The following CCDC88A variants were observed in gnomAD, a reference collection of about 807,000 sequenced individuals.
CCDC88A encodes coiled-coil and HOOK domain protein 88A.
A neutral mutation model predicts 234.3 loss-of-function variants in CCDC88A; 54 were observed. The observed-to-expected ratio is 0.23, with a 90% CI of 0.19 to 0.29. The LOEUF (loss-of-function observed/expected upper bound fraction) is 0.29, where lower values mean the gene tolerates loss of function less well. Among genes scored for constraint, CCDC88A ranks in the 10% least tolerant of loss-of-function variants. CCDC88A has a pLI of 1.00. For synonymous variants in CCDC88A, 753 were observed against 737.8 expected (o/e 1.02, Z -0.33); for missense variants, 1,832 against 2,123.4 (o/e 0.86, Z 2.70).
intron 2 of CCDC88A, among the ~76,000 whole-genome samples, chr2:55,406,796 C>A (rs1679663887): frequency 6.6e-6 from 1 of 151,930 alleles, no homozygotes; most frequent in Non-Finnish European, 1.5e-5. Flanking sequence ...TATCCAACAT[C>A]TAAAACTAAA....
At chr2:55,396,705 C>T (rs1036094573) in intron 2 of CCDC88A, among the ~76,000 whole-genome samples, 1 of 151,782 alleles carries the variant, frequency 6.6e-6, no homozygotes, top group Admixed American at 6.6e-5. Flanking sequence ...CTCATCTCTA[C>T]TAAAAATACA....
intron 3 of CCDC88A, among the ~76,000 whole-genome samples, chr2:55,382,008 GAATT>G (rs1674681858): frequency 6.6e-6 from 1 of 152,138 alleles, no homozygotes; most frequent in African/African-American, 2.4e-5. Flanking sequence ...CTAATGAAGA[GAATT>G]AAGCCTATTT....
intron 4 of CCDC88A, among the ~76,000 whole-genome samples, chr2:55,373,142 G>C (rs1042393929): frequency 2.6e-5 from 4 of 151,966 alleles, no homozygotes; most frequent in Admixed American, 6.6e-5. Context: ...TATTCAACTG[G>C]AAAAAAATCA....
intron 2 of CCDC88A, among the ~76,000 whole-genome samples, chr2:55,393,333 C>T (rs1338389796): frequency 8.5e-6 from 1 of 117,686 alleles, no homozygotes; most frequent in Non-Finnish European, 1.6e-5. Context: ...CCCAGTCTGC[C>T]AGGCTGGAGT....
At chr2:55,296,190 G>A in intron 30 of CCDC88A, 68 bp downstream of exon 30, 1 of 1,329,446 alleles carries the variant, frequency 7.5e-7, no homozygotes, top group Non-Finnish European at 1.0e-6. Context: ...AAAAAGCTCT[G>A]AAGTTCAATT....
chr2:55,376,698 T>A (rs1673699890), intron 3 of CCDC88A, among the ~76,000 whole-genome samples: 1 of 152,220 alleles, frequency 6.6e-6, no homozygotes, highest in African/African-American at 2.4e-5. Flanking sequence ...CTAAAATCAC[T>A]TATTCCAGAA....
chr2:55,371,809 C>T (rs1243950782), intron 5 of CCDC88A, among the ~76,000 whole-genome samples: 1 of 152,036 alleles, frequency 6.6e-6, no homozygotes, highest in African/African-American at 2.4e-5. Context: ...TTAACAGTAC[C>T]TTCTTTGACT....
chr2:55,328,404 A>T lies in CCDC88A; in HGVS notation c.2887T>A (p.Ser963Thr). 6.3e-7 allele frequency: 1 copy of T among 1,583,978 alleles called. No homozygotes were observed. The highest frequency in any genetic ancestry group is 1.2e-5 in the South Asian group (1 of 85,224). The change falls in exon 17 of 33, where the codon TCC (serine) becomes ACC (threonine). Residue 963 changes from serine to threonine, a missense_variant. This residue lies in a region of CCDC88A where 1,282 missense variants were observed against 1,543.6 expected (regional missense o/e 0.83). Coordinates refer to ENST00000436346, the MANE Select transcript of CCDC88A (RefSeq NM_001365480.1). This position sits in a 1 kb window ranked among gnomAD's most constrained non-coding sequence, Gnocchi z 4.3. ...ATTTCAAGAGACTTCTTAAGAGTGG[A>T]TTCTAATTTTGATTCCAAAAGTTTA... Reference protein sequence around the residue: ...RYKLLESKLESTLKKSLEIKE... With the variant: ...RYKLLESKLETTLKKSLEIKE...
At position 55,294,476 on chromosome 2, in the gene CCDC88A, T is replaced by C. The variant is rs894319538; in HGVS notation, c.5551+1121A>G. On this transcript the variant is annotated intron_variant, in intron 31 of 32. Transcript: ENST00000436346. ...TATGGGTATTAGTTAATATTTGTTA[T>C]ATAAAGTGTTGAATTATTAACTATT... 8.0e-6 allele frequency: 7 copies of C among 874,242 alleles called. No homozygotes were observed. In the East Asian group the frequency reaches 3.6e-4, roughly 45 times the overall value. 54.2% of individuals were successfully genotyped at this position (874,242 alleles called of 1,614,324 possible). A position where few individuals can be genotyped will look rare whatever the true frequency, so the allele number is the denominator to read the frequency against.
intron 2 of CCDC88A, among the ~76,000 whole-genome samples, chr2:55,393,714 G>C (rs552383432): frequency 7.9e-5 from 12 of 152,238 alleles, no homozygotes; most frequent in Admixed American, 1.3e-4. Context: ...GTAAAGGACA[G>C]TTTATTTCCA....
chr2:55,380,783 T>C (rs987574438), intron 3 of CCDC88A, among the ~76,000 whole-genome samples: 6 of 151,990 alleles, frequency 3.9e-5, no homozygotes, highest in Non-Finnish European at 5.9e-5. Context: ...GCCCAGCTAA[T>C]TTTTTGTATT....
chr2:55,360,022 G>T (rs1574275708), intron 7 of CCDC88A, among the ~76,000 whole-genome samples: 4 of 151,996 alleles, frequency 2.6e-5, no homozygotes, highest in Admixed American at 2.6e-4. Context: ...AACTACTTGG[G>T]GCTCAAGTAT....
intron 2 of CCDC88A, among the ~76,000 whole-genome samples, chr2:55,394,867 A>G (rs1677272959): frequency 6.6e-6 from 1 of 151,230 alleles, no homozygotes; most frequent in Non-Finnish European, 1.5e-5. Context: ...TTTTTTTGAG[A>G]TGGAGTCTCA....
At chr2:55,399,483 C>T (rs1000968739) in intron 2 of CCDC88A, among the ~76,000 whole-genome samples, 3 of 148,330 alleles carry the variant, frequency 2.0e-5, no homozygotes, top group Non-Finnish European at 3.0e-5. Flanking sequence ...GCCGAGATTG[C>T]GCCACTGTAC....
chr2:55,301,037 G>C, intron 28 of CCDC88A, 169 bp downstream of exon 28: 1 of 555,604 alleles, frequency 1.8e-6, no homozygotes, highest in Non-Finnish European at 3.1e-6. Flanking sequence ...TATCTTAAAA[G>C]AGGCAGAAGG....
chr2:55,357,098 C>G (rs932617761), intron 7 of CCDC88A, among the ~76,000 whole-genome samples: 1 of 152,054 alleles, frequency 6.6e-6, no homozygotes, highest in Non-Finnish European at 1.5e-5. Context: ...TTGGAGGGTC[C>G]TAACAATACC....
intron 3 of CCDC88A, among the ~76,000 whole-genome samples, chr2:55,387,041 G>C (rs1675761767): frequency 6.6e-6 from 1 of 151,576 alleles, no homozygotes; most frequent in East Asian, 2.0e-4. Context: ...GCCGGGTGTG[G>C]TAGTGGGCAC....
At chr2:55,346,096 T>C (rs1278900555) in intron 10 of CCDC88A, 79 bp downstream of exon 10, 7 of 974,506 alleles carry the variant, frequency 7.2e-6, no homozygotes, top group Non-Finnish European at 1.1e-5. Flanking sequence ...GAGTTTCTCA[T>C]GTTTATTAAC....
chr2:55,389,868 C>A (rs1223067358), intron 2 of CCDC88A, among the ~76,000 whole-genome samples: 1 of 151,352 alleles, frequency 6.6e-6, no homozygotes, highest in Admixed American at 6.6e-5. Context: ...TGGTGAAACC[C>A]CATCTGTATT....
Sources: gnomAD v4.1 joint callset for allele counts (sites outside exome capture counted in the v4.1 genomes callset) on GRCh38, gnomAD v4.1.1 for gene constraint, gnomAD v4.1.1 regional missense constraint, Gnocchi (gnomAD v3.1) non-coding constraint, MANE v1.5 for transcripts, NCBI Gene and HGNC (gene_info 2026-07-23, HGNC 2026-07-21) for gene names.